The following SBNO2 variants were observed in gnomAD, a reference collection of about 807,000 sequenced individuals.
SBNO2 encodes strawberry notch homolog 2.
Under a neutral mutation model 146.3 loss-of-function variants are expected in SBNO2, and 89 were observed. That is an observed-to-expected ratio of 0.61 (90% CI 0.51 to 0.73). The LOEUF (loss-of-function observed/expected upper bound fraction) is 0.73. SBNO2 is among the 30% of genes least tolerant of loss of function. The probability of loss-of-function intolerance (pLI) is 0.00; values close to 1 mark genes in which losing one functional copy is unlikely to be tolerated. For synonymous variants in SBNO2, 1,147 were observed against 892.6 expected (o/e 1.29, Z -5.08); for missense variants, 2,092 against 2,003.7 (o/e 1.04, Z -0.84).
Position 1,144,691 on chromosome 19 carries a change from CAG to C in SBNO2, c.279+2616_279+2617del, listed in dbSNP as rs1224895525. The stretch of plus-strand genomic sequence containing the variant: ...AAACAGACGAAGACAGAGAGGGCGA[CAG>C]AGACAGAGAGGGAAACAGACACAGA... On this transcript the variant is annotated intron_variant, in intron 4 of 31. Coordinates refer to ENST00000361757, the MANE Select transcript of SBNO2 (RefSeq NM_014963.3). The surrounding 1 kb of genome is among the most constrained non-coding windows in gnomAD (Gnocchi z 4.1). 1.4e-5 allele frequency among the ~76,000 whole-genome samples: 2 copies of C among 145,512 alleles called. No homozygotes were observed. Among genetic ancestry groups the C allele is most frequent in the Non-Finnish European group, 3.0e-5 (2 of 66,358 alleles).
At chr19:1,171,005 C>G (rs1445764796) in intron 1 of SBNO2, among the ~76,000 whole-genome samples, 1 of 151,904 alleles carries the variant, frequency 6.6e-6, no homozygotes, top group Admixed American at 6.6e-5. Context: ...GGCACACAGG[C>G]ACGGGCAACA....
chr19:1,164,387 CAGGAGGAGG>C lies in SBNO2; in HGVS notation c.-127+9776_-127+9784del, dbSNP rs1163081216. 2.5e-3 allele frequency among the ~76,000 whole-genome samples: 138 copies of C among 56,046 alleles called. 1 individual carries two copies. Among genetic ancestry groups the C allele is most frequent in the Middle Eastern group, 0.017 (1 of 58 alleles). 36.8% of individuals were successfully genotyped at this position (56,046 alleles called of 152,430 possible). ...TCCCAGATGCCAGGGGCAGTGGAGA[CAGGAGGAGG>C]AGGAGGAGGAGGAGGAGGAGGAACA... On this transcript the variant is annotated intron_variant, in intron 1 of 31. Transcript: ENST00000361757.
At chr19:1,169,165 AGCACTCCCATGCCCT>A (rs1360682272) in intron 1 of SBNO2, 1 of 152,290 alleles carries the variant, frequency 6.6e-6, no homozygotes, top group Non-Finnish European at 1.5e-5. Context: ...GCCAGGGCCC[AGCACTCCCATGCCCT>A]GCACTGCACG....
chr19:1,152,088 G>A (rs1327250703), intron 2 of SBNO2, among the ~76,000 whole-genome samples: 1 of 152,234 alleles, frequency 6.6e-6, no homozygotes, highest in East Asian at 1.9e-4. Flanking sequence ...CCCGGAACAG[G>A]GAGGGTGGGA....
chr19:1,115,740 C>T (rs2079822702), intron 17 of SBNO2: 1 of 536,970 alleles, frequency 1.9e-6, no homozygotes, highest in Non-Finnish European at 3.3e-6. Flanking sequence ...GGAGGGGTCT[C>T]GCTCAGCACC....
rs756117103 is a variant in SBNO2, at chr19:1,154,342, G to A, written c.-66C>T. 8.8e-6 allele frequency: 8 copies of A among 905,996 alleles called. No individual in the cohort carries two copies. The highest frequency in any genetic ancestry group is 1.2e-5 in the Non-Finnish European group (8 of 689,176). The allele number at this position is 905,996 out of a possible 1,614,324, so 56.1% of individuals were successfully genotyped here. On this transcript the variant is annotated 5_prime_UTR_variant, in exon 2 of 32. Coordinates refer to ENST00000361757, the MANE Select transcript of SBNO2 (RefSeq NM_014963.3). ...CGGCGGGACTCCAGGACCCGGGGCC[G>A]CCGGGGCGTCTATCTGGGCTTCTCG...
intron 1 of SBNO2, among the ~76,000 whole-genome samples, chr19:1,161,941 G>A (rs932051072): frequency 2.4e-5 from 3 of 127,054 alleles, no homozygotes; most frequent in Non-Finnish European, 3.4e-5. Flanking sequence ...CCAGGCCTGC[G>A]GGGAGGAGCC....
At position 1,147,439 on chromosome 19, in the gene SBNO2, G is replaced by GGGGC; in HGVS notation, c.168-20_168-19insGCCC. 6.3e-6 allele frequency: 8 copies of GGGGC among 1,265,268 alleles called. No homozygotes were observed. The highest frequency in any genetic ancestry group is 1.4e-5 in the South Asian group (1 of 70,990). The allele number at this position is 1,265,268 out of a possible 1,614,324, so 78.4% of individuals were successfully genotyped here. A position where few individuals can be genotyped will look rare whatever the true frequency, so the allele number is the denominator to read the frequency against. Reference sequence around the variant, plus strand: ...GAACGGGCTGGAGGGAGATGGGGGGGGGGGAGGTGAGATGGGGTGCTCAAC... The same window carrying GGGGC: ...GAACGGGCTGGAGGGAGATGGGGGGGGGGCGGGGAGGTGAGATGGGGTGCTCAAC... On this transcript the variant is annotated intron_variant, in intron 3 of 31. Coordinates refer to ENST00000361757, the MANE Select transcript of SBNO2 (RefSeq NM_014963.3).
At chr19:1,129,005 G>T (rs991638032) in intron 4 of SBNO2, among the ~76,000 whole-genome samples, 1 of 150,522 alleles carries the variant, frequency 6.6e-6, no homozygotes, top group Non-Finnish European at 1.5e-5. Context: ...GGTAGCTCAC[G>T]CCTGTAACCC....
intron 3 of SBNO2, 148 bp downstream of exon 3, chr19:1,149,221 G>T: frequency 2.9e-6 from 2 of 679,054 alleles, no homozygotes; most frequent in African/African-American, 1.8e-5. Context: ...CCCGTGGGGT[G>T]GAGCCTTCCA....
chr19:1,139,306 G>C (rs1360558048), intron 4 of SBNO2, among the ~76,000 whole-genome samples: 1 of 152,178 alleles, frequency 6.6e-6, no homozygotes, highest in Non-Finnish European at 1.5e-5. Context: ...ACAGAGACGG[G>C]AAGGGGATGC....
intron 2 of SBNO2, among the ~76,000 whole-genome samples, chr19:1,149,777 C>T (rs2080225971): frequency 1.3e-5 from 2 of 152,236 alleles, no homozygotes; most frequent in Admixed American, 1.3e-4. Flanking sequence ...GGGGGTGCCG[C>T]TGGCCCCGGG....
intron 1 of SBNO2, among the ~76,000 whole-genome samples, chr19:1,168,409 T>G (rs1034695807): frequency 6.6e-6 from 1 of 152,024 alleles, no homozygotes. Context: ...ACCCACCCGG[T>G]AGCTTCCGGG....
Position 1,163,994 on chromosome 19 carries a change from G to A in SBNO2, c.-126-9592C>T, listed in dbSNP as rs180774840. Among the ~76,000 whole-genome samples the A allele has an allele frequency of 5.9e-3, 901 of 152,282 alleles. 9 individuals are homozygous for A. The highest frequency in any genetic ancestry group is 0.02 in the African/African-American group (831 of 41,558). The stretch of plus-strand genomic sequence containing the variant: ...GACTCAGCGCCCTGAGGACGGGGTC[G>A]GAACCCAGCGCCCAGGAAGCTCCCC... On this transcript the variant is annotated intron_variant, in intron 1 of 31. Coordinates refer to ENST00000361757, the MANE Select transcript of SBNO2 (RefSeq NM_014963.3).
intron 4 of SBNO2, among the ~76,000 whole-genome samples, chr19:1,139,816 G>A (rs961539554): frequency 2.4e-4 from 37 of 151,800 alleles, no homozygotes; most frequent in African/African-American, 8.7e-4. Context: ...AATATGGTGC[G>A]CGTCTGTAAT....
chr19:1,171,493 C>A (rs1443257260), intron 1 of SBNO2, among the ~76,000 whole-genome samples: 1 of 152,154 alleles, frequency 6.6e-6, no homozygotes, highest in Non-Finnish European at 1.5e-5. Context: ...GTGTTTACAG[C>A]TGTGGATTAC....
At chr19:1,149,767 G>A (rs2080225826) in intron 2 of SBNO2, among the ~76,000 whole-genome samples, 1 of 152,224 alleles carries the variant, frequency 6.6e-6, no homozygotes, top group African/African-American at 2.4e-5. Context: ...CACAAGACCT[G>A]GGGGTGCCGC....
At chr19:1,164,193 A>T (rs2080378655) in intron 1 of SBNO2, among the ~76,000 whole-genome samples, 1 of 139,070 alleles carries the variant, frequency 7.2e-6, no homozygotes, top group Admixed American at 7.9e-5. Context: ...GGAGGGGCCA[A>T]GGGGCTGGTG....
In SBNO2 at chr19:1,108,173, G is replaced by A. The variant is rs552041620; in HGVS notation, c.*47C>T. On this transcript the variant is annotated 3_prime_UTR_variant, in exon 32 of 32. Transcript: ENST00000361757. ...CCTGCTCCCCACCGCTGCTCCTAGG[G>A]GAGAAACGGTCCCTGTGTCTTGGGG... 49 of 1,492,466 alleles carry A rather than the reference G, an allele frequency of 3.3e-5. No individual in the cohort carries two copies. In the African/African-American group the frequency reaches 3.3e-4, roughly 10 times the overall value. The allele number at this position is 1,492,466 out of a possible 1,614,324, so 92.5% of individuals were successfully genotyped here. A position where few individuals can be genotyped will look rare whatever the true frequency, so the allele number is the denominator to read the frequency against.
Sources: allele counts gnomAD v4.1 joint callset (sites outside exome capture counted in the v4.1 genomes callset), GRCh38; gene constraint gnomAD v4.1.1; non-coding constraint Gnocchi (gnomAD v3.1); transcripts MANE v1.5; gene names NCBI Gene and HGNC (gene_info 2026-07-23, HGNC 2026-07-21).